Variants in FOXN3 observed in about 807,000 individuals in gnomAD.
FOXN3 encodes forkhead box N3.
A neutral mutation model predicts 38.4 loss-of-function variants in FOXN3; 7 were observed. The ratio of observed to expected loss-of-function variants is 0.18; its 90% CI spans 0.10 to 0.34. The LOEUF is 0.34. Ranked by LOEUF, FOXN3 falls within the 10% of genes least tolerant of loss-of-function variation. FOXN3 has a pLI of 1.00. For missense variants in FOXN3, 456 were observed against 613.4 expected (o/e 0.74, Z 2.71); for synonymous variants, 230 against 242.2 (o/e 0.95, Z 0.47).
chr14:89,357,667 G>A (rs1029861043), intron 2 of FOXN3, among the ~76,000 whole-genome samples: 13 of 152,062 alleles, frequency 8.5e-5, no homozygotes, highest in Non-Finnish European at 1.5e-4. Flanking sequence ...GTTGACACTG[G>A]CAATGCAGAT....
At chr14:89,333,472 C>T (rs1208350741) in intron 3 of FOXN3, among the ~76,000 whole-genome samples, 4 of 150,370 alleles carry the variant, frequency 2.7e-5, no homozygotes, top group African/African-American at 9.8e-5. Flanking sequence ...ATGGAGGTTC[C>T]TTAGAGTATT....
intron 1 of FOXN3, among the ~76,000 whole-genome samples, chr14:89,614,838 T>G (rs1362759125): frequency 1.3e-5 from 2 of 152,228 alleles, no homozygotes; most frequent in Non-Finnish European, 2.9e-5. Flanking sequence ...TGCAAACCAT[T>G]GCAAGAAATG....
chr14:89,428,384 G>A (rs1892086887), intron 1 of FOXN3, among the ~76,000 whole-genome samples: 2 of 152,252 alleles, frequency 1.3e-5, no homozygotes, highest in African/African-American at 2.4e-5. Context: ...TGAGGTGCAG[G>A]CAAAAGGTGT....
intron 2 of FOXN3, among the ~76,000 whole-genome samples, chr14:89,376,299 A>G (rs1172766120): frequency 6.6e-6 from 1 of 152,216 alleles, no homozygotes; most frequent in African/African-American, 2.4e-5. Flanking sequence ...TTGAGCATCA[A>G]AACAATTATT....
chr14:89,570,004 T>C (rs1157792573), intron 1 of FOXN3, among the ~76,000 whole-genome samples: 1 of 105,328 alleles, frequency 9.5e-6, no homozygotes, highest in Non-Finnish European at 1.9e-5. Context: ...ACTTGGTATG[T>C]TTTTTTTTTT....
chr14:89,591,916 A>G (rs1895962389), intron 1 of FOXN3, among the ~76,000 whole-genome samples: 1 of 152,178 alleles, frequency 6.6e-6, no homozygotes, highest in African/African-American at 2.4e-5. Context: ...CAGAGAGAAA[A>G]AAACATTAAA....
At chr14:89,563,859 GTTTT>G (rs1018065001) in intron 1 of FOXN3, among the ~76,000 whole-genome samples, 11 of 151,754 alleles carry the variant, frequency 7.2e-5, no homozygotes, top group Non-Finnish European at 1.6e-4. Flanking sequence ...GAAGGTTTTG[GTTTT>G]TTTTGAGACA....
chr14:89,437,728 C>CT (rs1892300965), intron 1 of FOXN3, among the ~76,000 whole-genome samples: 1 of 152,212 alleles, frequency 6.6e-6, no homozygotes, highest in Non-Finnish European at 1.5e-5. Flanking sequence ...AACCAGCAGC[C>CT]ATCAGGGCTG....
At chr14:89,355,303 C>A (rs1277194435) in intron 2 of FOXN3, 1 of 151,686 alleles carries the variant, frequency 6.6e-6, no homozygotes, top group Non-Finnish European at 1.5e-5. Flanking sequence ...TCTCAGCTCA[C>A]TGCAACCTCC....
chr14:89,192,562 A>G (rs1424913211), intron 4 of FOXN3, among the ~76,000 whole-genome samples: 1 of 141,540 alleles, frequency 7.1e-6, no homozygotes, highest in Non-Finnish European at 1.5e-5. Context: ...TGAATTATAC[A>G]ATATATAACA....
intron 1 of FOXN3, among the ~76,000 whole-genome samples, chr14:89,611,522 T>C (rs1180590473): frequency 4.6e-5 from 7 of 152,138 alleles, no homozygotes; most frequent in African/African-American, 1.7e-4. Context: ...AGAAAAATAA[T>C]GAGGCCGGGC....
intron 4 of FOXN3, among the ~76,000 whole-genome samples, chr14:89,197,862 G>A (rs1777600529): frequency 6.6e-6 from 1 of 152,196 alleles, no homozygotes; most frequent in South Asian, 2.1e-4. Flanking sequence ...AATGAAGGAT[G>A]CCATCCAAAG....
intron 1 of FOXN3, among the ~76,000 whole-genome samples, chr14:89,545,900 C>A (rs1252848738): frequency 2.6e-5 from 4 of 152,098 alleles, no homozygotes; most frequent in Non-Finnish European, 5.9e-5. Flanking sequence ...GTCCATGGAA[C>A]CTTCTCTACT....
intron 2 of FOXN3, among the ~76,000 whole-genome samples, chr14:89,360,354 G>A (rs1234706280): frequency 4.3e-5 from 1 of 23,218 alleles, no homozygotes; most frequent in East Asian, 1.7e-3. Context: ...AAGAGAAAGG[G>A]AGGGAGGGAG....
chr14:89,196,058 G>A (rs545043848), intron 4 of FOXN3, among the ~76,000 whole-genome samples: 54 of 152,218 alleles, frequency 3.5e-4, no homozygotes, highest in Admixed American at 2.8e-3. Context: ...CCTCTGGACC[G>A]GTTCCCAGCA....
At chr14:89,347,576 G>A (rs938759393) in intron 3 of FOXN3, among the ~76,000 whole-genome samples, 16 of 152,304 alleles carry the variant, frequency 1.1e-4, no homozygotes, top group Admixed American at 2.6e-4. Flanking sequence ...TCTGCACTTC[G>A]ATTAAAAACA....
chr14:89,289,144 T>G lies in FOXN3; in HGVS notation c.681-8130A>C, dbSNP rs1226573339. Among the ~76,000 whole-genome samples, 4 of 144,314 alleles carry G rather than the reference T, an allele frequency of 2.8e-5. No individual in the cohort carries two copies. In the East Asian group the frequency reaches 8.2e-4, roughly 29 times the overall value. 94.7% of individuals were successfully genotyped at this position (144,314 alleles called of 152,430 possible). ...TTGCAGTGGGACGAGATCATGCCAC[T>G]GTACTCCAGCCTGGGTGACAGAGTG... On this transcript the variant is annotated intron_variant, in intron 3 of 5. Transcript: ENST00000557258.
intron 4 of FOXN3, among the ~76,000 whole-genome samples, chr14:89,280,236 A>G (rs1886418738): frequency 6.6e-6 from 1 of 152,246 alleles, no homozygotes; most frequent in Non-Finnish European, 1.5e-5. Context: ...AGGATTAAAA[A>G]TGAACCTCTT....
intron 3 of FOXN3, among the ~76,000 whole-genome samples, chr14:89,343,785 GAC>G (rs1888687824): frequency 6.6e-6 from 1 of 151,528 alleles, no homozygotes; most frequent in African/African-American, 2.4e-5. Flanking sequence ...TTTGTTTTGA[GAC>G]AGTCTCACTC....
Sources: allele counts gnomAD v4.1 joint callset (sites outside exome capture counted in the v4.1 genomes callset), GRCh38; gene constraint gnomAD v4.1.1; transcripts MANE v1.5; gene names NCBI Gene and HGNC (gene_info 2026-07-23, HGNC 2026-07-21).